The following ATP8B4 variants were observed in gnomAD, a reference collection of about 807,000 sequenced individuals.
ATP8B4 encodes probable phospholipid-transporting ATPase IM.
A neutral mutation model predicts 145.6 loss-of-function variants in ATP8B4; 133 were observed. The ratio of observed to expected loss-of-function variants is 0.91; its 90% CI spans 0.79 to 1.05. ATP8B4 has a LOEUF of 1.05. ATP8B4 is among the 50% of genes least tolerant of loss of function. ATP8B4 has a pLI of 0.00. For missense variants in ATP8B4, 1,458 were observed against 1,425.2 expected, an observed-to-expected ratio of 1.02 and a Z score of -0.37; for synonymous variants, 507 against 492.9, an observed-to-expected ratio of 1.03 and a Z score of -0.38.
intron 6 of ATP8B4, among the ~76,000 whole-genome samples, chr15:50,012,556 C>A (rs981409760): frequency 2.6e-5 from 4 of 152,126 alleles, no homozygotes; most frequent in Non-Finnish European, 4.4e-5. Flanking sequence ...GACAATTGGA[C>A]ACACTTTTCA....
intron 17 of ATP8B4, among the ~76,000 whole-genome samples, chr15:49,921,753 C>T (rs561727571): frequency 7.4e-4 from 113 of 152,264 alleles, no homozygotes; most frequent in African/African-American, 2.7e-3. Flanking sequence ...AGATGGTTTA[C>T]CCCAGACAGA....
intron 5 of ATP8B4, 47 bp downstream of exon 5, chr15:50,044,547 C>T: frequency 7.6e-7 from 1 of 1,322,656 alleles, no homozygotes; most frequent in South Asian, 1.3e-5. Flanking sequence ...TCTGAGAAGC[C>T]ACAACTGAAA....
chr15:49,918,433 T>C (rs1359718710), intron 19 of ATP8B4, among the ~76,000 whole-genome samples: 1 of 152,188 alleles, frequency 6.6e-6, no homozygotes, highest in Admixed American at 6.5e-5. Context: ...CTAAGATCCT[T>C]CAAATTCCCC....
At chr15:50,146,395 T>C (rs2044277556) in intron 1 of ATP8B4, among the ~76,000 whole-genome samples, 1 of 152,182 alleles carries the variant, frequency 6.6e-6, no homozygotes, top group Non-Finnish European at 1.5e-5. Flanking sequence ...CCTAAGCATG[T>C]ATCATATAAA....
chr15:50,120,753 ATAAGT>A (rs756211006), upstream of ATP8B4, among the ~76,000 whole-genome samples: 2 of 152,198 alleles, frequency 1.3e-5, no homozygotes, highest in Non-Finnish European at 2.9e-5. Context: ...GACTGCCTAA[ATAAGT>A]TAAGGTATAT....
chr15:50,085,876 T>TA (rs370026746), intron 2 of ATP8B4, among the ~76,000 whole-genome samples: 1 of 32,050 alleles, frequency 3.1e-5, no homozygotes, highest in Admixed American at 3.6e-4. Flanking sequence ...ATCATATATA[T>TA]TTATATATTT....
At chr15:49,919,068 T>C in intron 18 of ATP8B4, 118 bp from the exon 19 acceptor site, 1 of 721,086 alleles carries the variant, frequency 1.4e-6, no homozygotes, top group Non-Finnish European at 2.3e-6. Context: ...ACAGAAATTA[T>C]GATACATTGA....
At chr15:49,961,235 G>A (rs2044046205) in intron 14 of ATP8B4, among the ~76,000 whole-genome samples, 1 of 151,828 alleles carries the variant, frequency 6.6e-6, no homozygotes, top group Non-Finnish European at 1.5e-5. Context: ...GTTAAAATTA[G>A]AACCAATATT....
rs74478637 is a variant in ATP8B4, at chr15:50,009,954, T to A, written c.435+891A>T. Reference sequence around the variant, plus strand: ...TGAGTAGTCTCCTTAGTGTGGGTTGTTCTGGAGAATTCAGTATACACAGAT... The same window carrying A: ...TGAGTAGTCTCCTTAGTGTGGGTTGATCTGGAGAATTCAGTATACACAGAT... On this transcript the variant is annotated intron_variant, in intron 7 of 27. Coordinates refer to ENST00000284509, the MANE Select transcript of ATP8B4 (RefSeq NM_024837.4). Among the ~76,000 whole-genome samples the A allele has an allele frequency of 5.9e-3, 905 of 152,302 alleles. 4 individuals are homozygous for A. Among genetic ancestry groups the A allele is most frequent in the Non-Finnish European group, 0.01 (713 of 68,022 alleles).
At chr15:49,877,176 AC>A (rs2034581037) in intron 24 of ATP8B4, among the ~76,000 whole-genome samples, 1 of 152,170 alleles carries the variant, frequency 6.6e-6, no homozygotes, top group South Asian at 2.1e-4. Context: ...CACATTTGAC[AC>A]CAACCAGGTC....
chr15:49,938,213 G>GC (rs1567033440), intron 14 of ATP8B4, among the ~76,000 whole-genome samples: 21 of 152,254 alleles, frequency 1.4e-4, no homozygotes, highest in African/African-American at 4.8e-4. Flanking sequence ...AGGCCGTGTA[G>GC]AACTACCACA....
chr15:50,119,344 C>A, upstream of ATP8B4: 1 of 152,354 alleles, frequency 6.6e-6, no homozygotes, highest in Non-Finnish European at 1.5e-5. Context: ...CCACCGGAAG[C>A]TGCTAGATGG....
At position 49,979,692 on chromosome 15, in the gene ATP8B4, A is replaced by G; in HGVS notation, c.959T>C (p.Val320Ala). Residue 320 changes from valine to alanine, a missense_variant, in exon 12 of 28, where the codon GTG becomes GCG. Physicochemically the swap from Val to Ala is moderately conservative, Grantham distance 64. Coordinates refer to ENST00000284509, the MANE Select transcript of ATP8B4 (RefSeq NM_024837.4). ...CCAGAATGTTAAGAATCCGGAGAAC[A>G]CAGAGCTCTTCTCTCCTTCATTCCA... ...LFWNEGEKSS[V>A]FSGFLTFWSY... 1.2e-6 allele frequency: 2 copies of G among 1,610,218 alleles called. No homozygotes were observed. Among genetic ancestry groups the G allele is most frequent in the South Asian group, 2.2e-5 (2 of 90,822 alleles).
intron 1 of ATP8B4, among the ~76,000 whole-genome samples, chr15:50,132,708 C>T (rs557928517): frequency 1.3e-5 from 2 of 152,304 alleles, no homozygotes; most frequent in South Asian, 2.1e-4. Flanking sequence ...TTGGAACCAA[C>T]CCAAATGCCC....
chr15:50,073,787 T>A (rs1052628335), intron 3 of ATP8B4, among the ~76,000 whole-genome samples: 16 of 152,160 alleles, frequency 1.1e-4, no homozygotes, highest in African/African-American at 3.9e-4. Flanking sequence ...CGTCACTACA[T>A]CCATCACTAA....
intron 1 of ATP8B4, among the ~76,000 whole-genome samples, chr15:50,157,881 AGTGCCTGCGATTGCAGGCGC>A (rs1419477667): frequency 2.6e-5 from 4 of 152,140 alleles, no homozygotes; most frequent in Non-Finnish European, 4.4e-5. Flanking sequence ...CAGCCTGCCC[AGTGCCTGCGATTGCAGGCGC>A]GTGCCGCCAC....
chr15:49,967,141 G>A (rs1269479972), intron 13 of ATP8B4, among the ~76,000 whole-genome samples: 1 of 152,188 alleles, frequency 6.6e-6, no homozygotes, highest in Non-Finnish European at 1.5e-5. Context: ...ACCAAAGGTA[G>A]ATAAATCCAT....
intron 13 of ATP8B4, 116 bp from the exon 14 acceptor site, chr15:49,962,136 G>A (rs1749122430): frequency 5.4e-6 from 4 of 744,810 alleles, no homozygotes; most frequent in Admixed American, 6.9e-5. Context: ...ATGGCATTAT[G>A]AATTTAAACA....
intron 20 of ATP8B4, among the ~76,000 whole-genome samples, chr15:49,904,585 T>C (rs946855581): frequency 2.6e-5 from 4 of 152,154 alleles, no homozygotes; most frequent in Admixed American, 2.0e-4. Flanking sequence ...ATGCATTTTG[T>C]TTGGCCTGCA....
Sources: gnomAD v4.1 joint callset for allele counts (sites outside exome capture counted in the v4.1 genomes callset) on GRCh38, gnomAD v4.1.1 for gene constraint, MANE v1.5 for transcripts, NCBI Gene and HGNC (gene_info 2026-07-23, HGNC 2026-07-21) for gene names.